CELF2: variants seen among roughly 807,000 people sequenced by gnomAD.
CELF2 encodes CUGBP Elav-like family member 2.
CELF2 carries 8 observed loss-of-function variants against 62.6 expected under a neutral mutation model. The observed-to-expected ratio is 0.13, with a 90% CI of 0.07 to 0.23. CELF2 has a LOEUF of 0.23. Ranked by LOEUF, CELF2 falls within the 10% of genes least tolerant of loss-of-function variation. The pLI is 1.00. For synonymous variants in CELF2, 258 were observed against 250.0 expected, an observed-to-expected ratio of 1.03 and a Z score of -0.30; for missense variants, 333 against 671.0, an observed-to-expected ratio of 0.50 and a Z score of 5.56.
chr10:11,087,986 A>G (rs1467921014), intron 1 of CELF2, among the ~76,000 whole-genome samples: 1 of 152,224 alleles, frequency 6.6e-6, no homozygotes, highest in Non-Finnish European at 1.5e-5. Context: ...TACATTCTCC[A>G]CTGTGACAGA....
chr10:10,509,993 C>A, the CELF2 span, among the ~76,000 whole-genome samples: 2 of 152,202 alleles, frequency 1.3e-5, no homozygotes, highest in South Asian at 4.1e-4. Context: ...CCAGCACCTG[C>A]AAAGGCATTT....
chr10:10,634,266 G>A, the CELF2 span, among the ~76,000 whole-genome samples: 2 of 151,890 alleles, frequency 1.3e-5, no homozygotes, highest in Admixed American at 6.6e-5. Flanking sequence ...TATATATTAT[G>A]CATATATCTC....
At chr10:10,839,096 A>G (rs377211441) in intron 1 of CELF2, among the ~76,000 whole-genome samples, 50 of 152,320 alleles carry the variant, frequency 3.3e-4, no homozygotes, top group East Asian at 2.9e-3. Context: ...CAGTGAGCCA[A>G]CATCACTCCA....
the CELF2 span, among the ~76,000 whole-genome samples, chr10:10,493,941 T>C: frequency 6.6e-6 from 1 of 152,150 alleles, no homozygotes; most frequent in African/African-American, 2.4e-5. Context: ...CCAACCTGCC[T>C]CTAACCTTCC....
At chr10:11,093,567 A>G (rs1170510027) in intron 1 of CELF2, among the ~76,000 whole-genome samples, 1 of 152,228 alleles carries the variant, frequency 6.6e-6, no homozygotes, top group African/African-American at 2.4e-5. Context: ...CAAGTCATCA[A>G]ATTGAGTGTC....
chr10:10,569,629 G>A, the CELF2 span, among the ~76,000 whole-genome samples: 6 of 152,258 alleles, frequency 3.9e-5, no homozygotes, highest in South Asian at 2.1e-4. Flanking sequence ...GAAACAAAAA[G>A]CACCCTATAC....
chr10:10,759,227 A>G, the CELF2 span, among the ~76,000 whole-genome samples: 214 of 151,984 alleles, frequency 1.4e-3, no homozygotes, highest in African/African-American at 5.1e-3. Context: ...GGCCTAACTC[A>G]TCCACCCTAC....
At chr10:10,658,204 G>T in the CELF2 span, among the ~76,000 whole-genome samples, 10 of 152,250 alleles carry the variant, frequency 6.6e-5, no homozygotes, top group African/African-American at 2.4e-4. Context: ...TACATGGTTA[G>T]CTTGTGGACC....
chr10:10,749,923 G>A, the CELF2 span, among the ~76,000 whole-genome samples: 1 of 152,176 alleles, frequency 6.6e-6, no homozygotes, highest in African/African-American at 2.4e-5. Context: ...AGAACCTTGG[G>A]GAAATAAGAG....
the CELF2 span, among the ~76,000 whole-genome samples, chr10:10,711,321 C>A: frequency 6.6e-6 from 1 of 152,182 alleles, no homozygotes. Context: ...GGAGCTATGA[C>A]ATTATAGAAT....
exon 1 of CELF2, chr10:10,798,638 TCAGCCCGGGAAGGA>T: frequency 2.5e-6 from 1 of 397,790 alleles, no homozygotes; most frequent in Non-Finnish European, 4.4e-6. Context: ...AAAGTGCGTG[TCAGCCCGGGAAGGA>T]GGGAGCCGCG....
the CELF2 span, among the ~76,000 whole-genome samples, chr10:10,504,185 T>C: frequency 2.0e-5 from 3 of 152,156 alleles, no homozygotes; most frequent in African/African-American, 4.8e-5. Flanking sequence ...TCCTTCCTGA[T>C]GTCCTGATGC....
chr10:10,907,858 A>G (rs2063471677), intron 1 of CELF2, among the ~76,000 whole-genome samples: 1 of 152,216 alleles, frequency 6.6e-6, no homozygotes, highest in African/African-American at 2.4e-5. Context: ...AGAGGTAATG[A>G]TGGATACCAC....
Position 11,263,323 on chromosome 10 carries a change from T to A in CELF2, c.539-3275T>A, listed in dbSNP as rs189126313. Among the ~76,000 whole-genome samples the A allele has an allele frequency of 1.5e-3, 230 of 152,182 alleles. 1 individual carries two copies. The highest frequency in any genetic ancestry group is 2.1e-3 in the Non-Finnish European group (146 of 67,982). On this transcript the variant is annotated intron_variant, in intron 5 of 12. Coordinates refer to ENST00000633077, the MANE Select transcript of CELF2 (RefSeq NM_001326342.2). ...AGGTTGGCCAAATTTACAGTTGGAT[T>A]TTTTTTTGCTGCTATATATGTGGAG...
intron 1 of CELF2, among the ~76,000 whole-genome samples, chr10:11,076,607 G>A (rs2072023058): frequency 6.6e-6 from 1 of 152,198 alleles, no homozygotes; most frequent in Non-Finnish European, 1.5e-5. Flanking sequence ...GTAACATGTA[G>A]CACCTAGCAT....
the CELF2 span, among the ~76,000 whole-genome samples, chr10:10,680,695 C>T: frequency 0.23 from 34,685 of 152,170 alleles, 4,160 homozygotes; most frequent in South Asian, 0.43. Context: ...TTAGCATAGC[C>T]TATCTGGTGC....
chr10:11,264,988 C>T (rs1217375020), intron 5 of CELF2, among the ~76,000 whole-genome samples: 1 of 152,130 alleles, frequency 6.6e-6, no homozygotes, highest in Admixed American at 6.5e-5. Context: ...TAGCATGATG[C>T]AAACAAAAAA....
chr10:11,126,435 A>G (rs1447154361), intron 1 of CELF2, among the ~76,000 whole-genome samples: 2 of 152,218 alleles, frequency 1.3e-5, no homozygotes, highest in Non-Finnish European at 2.9e-5. Context: ...AACTCACTAG[A>G]CGTTTTCAAG....
At chr10:10,751,249 A>G in the CELF2 span, among the ~76,000 whole-genome samples, 1 of 152,216 alleles carries the variant, frequency 6.6e-6, no homozygotes, top group East Asian at 1.9e-4. Flanking sequence ...AAAAATAAGT[A>G]TCTCTGCCCT....
Sources: allele counts gnomAD v4.1 joint callset (sites outside exome capture counted in the v4.1 genomes callset), GRCh38; gene constraint gnomAD v4.1.1; transcripts MANE v1.5; gene names NCBI Gene and HGNC (gene_info 2026-07-23, HGNC 2026-07-21).